The following DHX40 variants were observed in gnomAD, a reference collection of about 807,000 sequenced individuals.
DHX40 encodes the protein probable ATP-dependent RNA helicase DHX40.
A neutral mutation model predicts 89.6 loss-of-function variants in DHX40; 28 were observed. The ratio of observed to expected loss-of-function variants is 0.31; its 90% CI spans 0.23 to 0.43. The LOEUF (loss-of-function observed/expected upper bound fraction) is 0.43. Ranked by LOEUF, DHX40 falls within the 20% of genes least tolerant of loss-of-function variation. The pLI is 1.00. For synonymous variants in DHX40, 226 were observed against 283.6 expected (o/e 0.80, Z 2.04); for missense variants, 457 against 844.0 (o/e 0.54, Z 5.68).
At chr17:59,600,585 C>T (rs2030439196) in intron 14 of DHX40, among the ~76,000 whole-genome samples, 1 of 151,764 alleles carries the variant, frequency 6.6e-6, no homozygotes, top group Non-Finnish European at 1.5e-5. Flanking sequence ...GATGATTAAC[C>T]CCTGTAATCC....
Position 59,565,656 on chromosome 17 carries a change from A to C in DHX40, c.-16A>C, listed in dbSNP as rs754093724. ...CAGATCGGTGGACGTGCTCGCCTCCACTCGGGGCCAGGTCTATGTCCCGGT... is the reference window on the plus strand; with the variant it reads ...CAGATCGGTGGACGTGCTCGCCTCCCCTCGGGGCCAGGTCTATGTCCCGGT... On this transcript the variant is annotated 5_prime_UTR_variant, in exon 1 of 18. Coordinates refer to ENST00000251241, the MANE Select transcript of DHX40 (RefSeq NM_024612.5). The C allele has an allele frequency of 1.3e-6, 2 of 1,594,686 alleles. No homozygotes were observed. The highest frequency in any genetic ancestry group is 1.1e-5 in the South Asian group (1 of 90,596).
intron 16 of DHX40, 54 bp from the exon 17 acceptor site, chr17:59,605,392 G>A: frequency 2.6e-6 from 4 of 1,551,688 alleles, no homozygotes; most frequent in South Asian, 2.4e-5. Context: ...TTGGTTTAAT[G>A]TGGAATAGGG....
At chr17:59,605,929 C>T (rs1333678934) in intron 17 of DHX40, 3 of 510,554 alleles carry the variant, frequency 5.9e-6, no homozygotes, top group African/African-American at 3.8e-5. Context: ...TTCACCAGTG[C>T]ACTCCAGCCT....
chr17:59,566,798 AT>A lies in DHX40; in HGVS notation c.280+11del. The A allele has an allele frequency of 3.2e-6, 5 of 1,560,492 alleles. No individual in the cohort carries two copies. Among genetic ancestry groups the A allele is most frequent in the Admixed American group, 4.5e-5 (2 of 44,826 alleles). On this transcript the variant is annotated splice_donor_5th_base_variant and intron_variant, in intron 2 of 17. Transcript: ENST00000251241. ...CCAAAATATCTATATGAAGCAGGTGATTTTTTTCTGTTGTAATAATTGGAAA... is the reference window on the plus strand; with the variant it reads ...CCAAAATATCTATATGAAGCAGGTGATTTTTTCTGTTGTAATAATTGGAAA...
intron 15 of DHX40, 162 bp from the exon 16 acceptor site, chr17:59,604,953 A>G (rs908526669): frequency 1.6e-6 from 1 of 622,248 alleles, no homozygotes; most frequent in Non-Finnish European, 2.8e-6. Flanking sequence ...TTTAAGATGA[A>G]TTGGTAGAGA....
rs760555785 is a variant in DHX40, at chr17:59,605,631, A to G, written c.2157A>G (p.Ala719=). Residue 719 remains alanine (A), a synonymous_variant, in exon 17 of 18, where the codon GCA becomes GCG. Transcript: ENST00000251241. The part of the protein sequence containing the change: ...SVARREVRED[A]RRRWTNKENV... ...CCCGACGTGAAGTGAGAGAAGATGC[A>G]AGAAGGAGATGGACAAATAAGGAAA... 6 of 1,614,018 alleles carry G rather than the reference A, an allele frequency of 3.7e-6. No homozygotes were observed. The South Asian group carries it at 6.6e-5, about 18-fold the overall frequency.
At chr17:59,579,119 CT>C (rs2048921420) in intron 8 of DHX40, among the ~76,000 whole-genome samples, 1 of 91,146 alleles carries the variant, frequency 1.1e-5, no homozygotes, top group East Asian at 6.1e-4. Flanking sequence ...TTGTTTTTAC[CT>C]TATGGCTGTG....
chr17:59,599,080 A>G (rs2697413), intron 13 of DHX40, among the ~76,000 whole-genome samples: 9 of 152,340 alleles, frequency 5.9e-5, no homozygotes, highest in Middle Eastern at 3.4e-3. Flanking sequence ...AAATGACCTT[A>G]TAGAATTTTG....
At chr17:59,586,369 G>C in intron 11 of DHX40, 136 bp downstream of exon 11, 1 of 893,440 alleles carries the variant, frequency 1.1e-6, no homozygotes, top group Non-Finnish European at 1.7e-6. Flanking sequence ...TCACAATTCT[G>C]ATTGAAAAAC....
rs905458183 is a variant in DHX40 at position 59,607,498 on chromosome 17, T to C, written c.*326T>C. ...GTCATTGAGATGTTTTCAAAGAACA[T>C]TGAGTTGTATTTAATCAGCGTGTAC... On this transcript the variant is annotated 3_prime_UTR_variant, in exon 18 of 18. Transcript: ENST00000251241. 3.5e-6 allele frequency: 2 copies of C among 572,636 alleles called. No individual in the cohort carries two copies. Among genetic ancestry groups the C allele is most frequent in the Non-Finnish European group, 6.2e-6 (2 of 321,792 alleles). 35.5% of individuals were successfully genotyped at this position (572,636 alleles called of 1,614,324 possible).
chr17:59,605,880 G>A (rs978680558), intron 17 of DHX40: 14 of 622,404 alleles, frequency 2.2e-5, no homozygotes, highest in African/African-American at 7.2e-5. Flanking sequence ...CAGGAGGATC[G>A]CTTGAACCCA....
intron 15 of DHX40, chr17:59,604,697 A>G (rs890886599): frequency 1.3e-5 from 2 of 156,474 alleles, no homozygotes; most frequent in African/African-American, 4.8e-5. Context: ...AAAGAGATGC[A>G]GCATAGTATA....
At chr17:59,580,696 G>A (rs866607021) in intron 10 of DHX40, among the ~76,000 whole-genome samples, 3 of 149,384 alleles carry the variant, frequency 2.0e-5, no homozygotes, top group East Asian at 3.9e-4. Flanking sequence ...AGGCTGAGAC[G>A]GGAAGATTGC....
At chr17:59,586,090 C>G (rs2048991715) in intron 10 of DHX40, 63 bp from the exon 11 acceptor site, 3 of 1,217,496 alleles carry the variant, frequency 2.5e-6, no homozygotes, top group East Asian at 2.6e-5. Context: ...TTCGTCATGT[C>G]TATATAAAAT....
chr17:59,566,931 A>C, intron 2 of DHX40, 137 bp downstream of exon 2: 3 of 696,688 alleles, frequency 4.3e-6, no homozygotes, highest in South Asian at 3.1e-5. Context: ...CCCTTCCCCT[A>C]TGTCTCCTTT....
At chr17:59,570,335 A>G (rs1019732946) in intron 2 of DHX40, among the ~76,000 whole-genome samples, 183 bp from the exon 3 acceptor site, 1 of 142,200 alleles carries the variant, frequency 7.0e-6, no homozygotes, top group African/African-American at 2.6e-5. Flanking sequence ...GGTTATTAAT[A>G]TGTATTATTT....
intron 12 of DHX40, among the ~76,000 whole-genome samples, chr17:59,593,551 C>T (rs2143316136): frequency 1.7e-5 from 1 of 60,026 alleles, no homozygotes; most frequent in South Asian, 6.5e-4. Context: ...TTTTGGCTCA[C>T]TGCAACCTCC....
rs1311152394 is a variant in DHX40, at chr17:59,565,617, C to T, written c.-55C>T. The T allele has an allele frequency of 4.6e-6, 7 of 1,506,484 alleles. No individual in the cohort carries two copies. Among genetic ancestry groups the T allele is most frequent in the South Asian group, 2.4e-5 (2 of 84,262 alleles). 93.3% of individuals were successfully genotyped at this position (1,506,484 alleles called of 1,614,324 possible). ...TCATCAGGGCGCGTCCTCGTCTTTCCCCTCCCATCTCCTCAGATCGGTGGA... is the reference window on the plus strand; with the variant it reads ...TCATCAGGGCGCGTCCTCGTCTTTCTCCTCCCATCTCCTCAGATCGGTGGA... On this transcript the variant is annotated 5_prime_UTR_variant, in exon 1 of 18. Coordinates refer to ENST00000251241, the MANE Select transcript of DHX40 (RefSeq NM_024612.5).
intron 12 of DHX40, among the ~76,000 whole-genome samples, chr17:59,592,620 C>T (rs940852664): frequency 3.4e-5 from 5 of 147,266 alleles, no homozygotes; most frequent in African/African-American, 1.3e-4. Flanking sequence ...CTCTGTCATC[C>T]AGGGTGGAGT....
Sources: allele counts gnomAD v4.1 joint callset (sites outside exome capture counted in the v4.1 genomes callset), GRCh38; gene constraint gnomAD v4.1.1; transcripts MANE v1.5; gene names NCBI Gene and HGNC (gene_info 2026-07-23, HGNC 2026-07-21).